Variants in ZNF536 observed in about 807,000 individuals in gnomAD.
The protein encoded by ZNF536 is zinc finger protein 536.
ZNF536 carries 13 observed loss-of-function variants against 84.5 expected under a neutral mutation model. The observed-to-expected ratio is 0.15, with a 90% confidence interval of 0.10 to 0.24. The LOEUF (loss-of-function observed/expected upper bound fraction) is 0.24, where lower values mean the gene tolerates loss of function less well. ZNF536 is among the 10% of genes least tolerant of loss of function. The pLI is 1.00. For missense variants in ZNF536, 1,536 were observed against 1,747.5 expected, an observed-to-expected ratio of 0.88 and a Z score of 2.16; for synonymous variants, 811 against 742.5, an observed-to-expected ratio of 1.09 and a Z score of -1.50.
chr19:30,560,553 C>T (rs907978422), downstream of ZNF536, among the ~76,000 whole-genome samples: 7 of 152,196 alleles, frequency 4.6e-5, no homozygotes, highest in Admixed American at 2.6e-4. Context: ...CCCTTCCTAA[C>T]ACGAACACCC....
chr19:30,610,449 G>T (rs1460378493), intron 1 of ZNF536, among the ~76,000 whole-genome samples: 1 of 152,146 alleles, frequency 6.6e-6, no homozygotes, highest in African/African-American at 2.4e-5. Context: ...CCTCTGGGTG[G>T]GGGAGGCTAA....
chr19:30,555,929 C>T (rs2045950563), intron 4 of ZNF536: 1 of 152,188 alleles, frequency 6.6e-6, no homozygotes, highest in Non-Finnish European at 1.5e-5. Context: ...AGGCAATTGG[C>T]TTGAGGGTGT....
At chr19:30,666,349 C>G (rs528312044) in intron 1 of ZNF536, among the ~76,000 whole-genome samples, 1 of 152,286 alleles carries the variant, frequency 6.6e-6, no homozygotes, top group South Asian at 2.1e-4. Context: ...CCGGGTCCGA[C>G]ACGTTCCCTC....
chr19:30,249,639 T>G (rs1373151320), intron 1 of ZNF536, among the ~76,000 whole-genome samples: 1 of 152,160 alleles, frequency 6.6e-6, no homozygotes, highest in Non-Finnish European at 1.5e-5. Flanking sequence ...AGCGAGACCC[T>G]GTCCCAAAAC....
At chr19:30,602,351 A>T (rs1447714174) in intron 1 of ZNF536, among the ~76,000 whole-genome samples, 1 of 152,174 alleles carries the variant, frequency 6.6e-6, no homozygotes, top group Non-Finnish European at 1.5e-5. Context: ...GGTGGAGATT[A>T]TATGGGAAAA....
chr19:30,502,496 G>T (rs964327130), intron 2 of ZNF536, among the ~76,000 whole-genome samples: 1 of 152,156 alleles, frequency 6.6e-6, no homozygotes, highest in African/African-American at 2.4e-5. Context: ...CCACTGAGGG[G>T]AGAGAGAGGG....
rs373382678 is a variant in ZNF536, at chr19:30,444,537, G to T, written c.975G>T (p.Thr325=). 20 of 1,613,070 alleles carry T rather than the reference G, an allele frequency of 1.2e-5. No individual in the cohort carries two copies. Among genetic ancestry groups the T allele is most frequent in the Non-Finnish European group, 4.2e-6 (5 of 1,179,918 alleles). The stretch of plus-strand genomic sequence containing the variant: ...GCCACGTGGAGAAGGCACACATCAC[G>T]GCCGAGTCGGCCCAGGGCCAGGGCC... ...LISHVEKAHI[T]AESAQGQGPN... Residue 325 remains threonine, a synonymous_variant, in exon 2 of 5, where the codon ACG becomes ACT. Transcript: ENST00000355537.
intron 1 of ZNF536, among the ~76,000 whole-genome samples, chr19:30,381,108 C>G (rs1205978615): frequency 6.6e-6 from 1 of 152,136 alleles, no homozygotes; most frequent in Non-Finnish European, 1.5e-5. Context: ...GAACTCCTGG[C>G]CTCAAGCTAT....
chr19:30,358,528 T>C (rs2048169594), intron 3 of ZNF536, among the ~76,000 whole-genome samples: 1 of 152,236 alleles, frequency 6.6e-6, no homozygotes, highest in African/African-American at 2.4e-5. Flanking sequence ...CAATCACTGT[T>C]GTGTTGATTG....
At chr19:30,622,514 C>A (rs760979594) in intron 1 of ZNF536, among the ~76,000 whole-genome samples, 1 of 152,224 alleles carries the variant, frequency 6.6e-6, no homozygotes, top group Non-Finnish European at 1.5e-5. Flanking sequence ...AGATTTGGTG[C>A]CTTGCTGGAG....
At chr19:30,711,645 A>G (rs1396144681) in exon 2 of ZNF536, 2 of 152,234 alleles carry the variant, frequency 1.3e-5, no homozygotes, top group African/African-American at 2.4e-5. Flanking sequence ...TTTACAAAAT[A>G]CACAGCCAAA....
chr19:30,436,026 A>C (rs2051730848), intron 1 of ZNF536, among the ~76,000 whole-genome samples: 1 of 152,130 alleles, frequency 6.6e-6, no homozygotes, highest in Non-Finnish European at 1.5e-5. Flanking sequence ...TTCTTTTCCC[A>C]AATTCTCCAA....
chr19:30,699,924 C>A (rs557292596), intron 1 of ZNF536, among the ~76,000 whole-genome samples: 1 of 152,230 alleles, frequency 6.6e-6, no homozygotes, highest in African/African-American at 2.4e-5. Flanking sequence ...CCCCCCAGGC[C>A]GGCGGGGCCC....
intron 2 of ZNF536, among the ~76,000 whole-genome samples, chr19:30,457,298 C>A (rs1256681566): frequency 1.3e-5 from 2 of 152,244 alleles, no homozygotes; most frequent in Non-Finnish European, 2.9e-5. Flanking sequence ...TTAGGCCAAT[C>A]CTGGTGACTT....
chr19:30,227,899 T>G (rs866686485), upstream of ZNF536, among the ~76,000 whole-genome samples: 115 of 151,342 alleles, frequency 7.6e-4, no homozygotes, highest in African/African-American at 2.7e-3. Context: ...CCGGCGGGGA[T>G]GGGCGCGGGA....
chr19:30,647,121 C>CT (rs1408914701), intron 1 of ZNF536, among the ~76,000 whole-genome samples: 1 of 152,148 alleles, frequency 6.6e-6, no homozygotes, highest in African/African-American at 2.4e-5. Context: ...CTTTTTGTTA[C>CT]TTTTTCAAAA....
At chr19:30,524,636 G>A (rs550608251) in intron 2 of ZNF536, among the ~76,000 whole-genome samples, 121 of 152,264 alleles carry the variant, frequency 7.9e-4, no homozygotes, top group African/African-American at 2.6e-3. Context: ...AAAAAGATTG[G>A]TCCAGTTTGT....
intron 1 of ZNF536, among the ~76,000 whole-genome samples, chr19:30,376,197 G>T (rs2048813299): frequency 6.6e-6 from 1 of 152,098 alleles, no homozygotes; most frequent in South Asian, 2.1e-4. Context: ...AATTTCCAGT[G>T]CCCAGTCTCC....
At chr19:30,643,663 G>T (rs893055443) in intron 1 of ZNF536, among the ~76,000 whole-genome samples, 5 of 152,054 alleles carry the variant, frequency 3.3e-5, no homozygotes, top group African/African-American at 1.2e-4. Flanking sequence ...TCTGCAGGGG[G>T]GGGTTTTGGG....
Sources: gnomAD v4.1 joint callset for allele counts (sites outside exome capture counted in the v4.1 genomes callset) on GRCh38, gnomAD v4.1.1 for gene constraint, MANE v1.5 for transcripts, NCBI Gene and HGNC (gene_info 2026-07-23, HGNC 2026-07-21) for gene names.